GINS1: variants seen among roughly 807,000 people sequenced by gnomAD.
GINS1 encodes DNA replication complex GINS protein PSF1.
A neutral mutation model predicts 34.9 loss-of-function variants in GINS1; 26 were observed. The observed-to-expected ratio is 0.74, with a 90% CI of 0.55 to 1.03. The LOEUF (loss-of-function observed/expected upper bound fraction) is 1.03. Among genes scored for constraint, GINS1 ranks in the 50% least tolerant of loss-of-function variants. The pLI, the probability that GINS1 is intolerant of heterozygous loss-of-function variation, is 0.00. For synonymous variants in GINS1, 97 were observed against 84.4 expected (o/e 1.15, Z -0.82); for missense variants, 235 against 237.9 (o/e 0.99, Z 0.08).
At chr20:25,430,075 G>T (rs930155609) in intron 5 of GINS1, among the ~76,000 whole-genome samples, 1 of 152,164 alleles carries the variant, frequency 6.6e-6, no homozygotes, top group Non-Finnish European at 1.5e-5. Context: ...ATCACGCCCA[G>T]CTAATTTTTG....
chr20:25,430,608 G>A (rs1282919747), intron 5 of GINS1, among the ~76,000 whole-genome samples: 6 of 152,084 alleles, frequency 3.9e-5, no homozygotes, highest in East Asian at 1.9e-4. Context: ...TTGACTCACC[G>A]CAACCTCTGC....
At chr20:25,411,733 A>C (rs185169256) in intron 1 of GINS1, among the ~76,000 whole-genome samples, 9 of 152,224 alleles carry the variant, frequency 5.9e-5, no homozygotes, top group African/African-American at 2.2e-4. Context: ...GCCTGAGGTC[A>C]GGAGTTCGAG....
rs151262309 is a variant in GINS1, at chr20:25,429,575, G to A, written c.447+4248G>A. ...AATTTCTATATATTTTATTCTTTTCGCACTGATAAACTGAATTATTTTCAT... is the reference window on the plus strand; with the variant it reads ...AATTTCTATATATTTTATTCTTTTCACACTGATAAACTGAATTATTTTCAT... On this transcript the variant is annotated intron_variant, in intron 5 of 6. Transcript: ENST00000262460. 4.3e-3 allele frequency among the ~76,000 whole-genome samples: 651 copies of A among 151,256 alleles called. 2 individuals are homozygous for A. The highest frequency in any genetic ancestry group is 0.011 in the African/African-American group (462 of 41,066).
At chr20:25,428,495 C>T (rs1183402451) in intron 5 of GINS1, among the ~76,000 whole-genome samples, 6 of 148,918 alleles carry the variant, frequency 4.0e-5, no homozygotes, top group African/African-American at 1.5e-4. Context: ...GCTCTGCCTC[C>T]TGGGTTCACG....
chr20:25,416,962 C>G (rs1178934857), intron 2 of GINS1, 142 bp from the exon 3 acceptor site: 4 of 536,054 alleles, frequency 7.5e-6, no homozygotes. Context: ...CTCTGATGTA[C>G]AAATAGTTAT....
chr20:25,433,493 AT>A (rs1234133364), intron 5 of GINS1, among the ~76,000 whole-genome samples: 2 of 152,204 alleles, frequency 1.3e-5, no homozygotes, highest in African/African-American at 4.8e-5. Context: ...TACAATATAA[AT>A]GCCATAGATA....
At chr20:25,437,302 T>C (rs2090459416) in intron 5 of GINS1, among the ~76,000 whole-genome samples, 1 of 152,250 alleles carries the variant, frequency 6.6e-6, no homozygotes, top group South Asian at 2.1e-4. Context: ...ACCTCTGTGA[T>C]CAGAAACAGC....
Position 25,440,144 on chromosome 20 carries a change from G to A in GINS1, c.448-1558G>A, listed in dbSNP as rs192776735. 2.6e-3 allele frequency among the ~76,000 whole-genome samples: 394 copies of A among 152,120 alleles called. 3 individuals are homozygous for A. The highest frequency in any genetic ancestry group is 9.1e-3 in the African/African-American group (376 of 41,540). On this transcript the variant is annotated intron_variant, in intron 5 of 6. Coordinates refer to ENST00000262460, the MANE Select transcript of GINS1 (RefSeq NM_021067.5). ...GCCTCCTGAGTAGCTGGGATTACAGGCACGCACCACCACACCCAGCTAAAT... is the reference window on the plus strand; with the variant it reads ...GCCTCCTGAGTAGCTGGGATTACAGACACGCACCACCACACCCAGCTAAAT...
rs371912956 is a variant in GINS1, at chr20:25,407,871, C to T, written c.51C>T (p.Pro17=). 1.2e-6 allele frequency: 2 copies of T among 1,613,740 alleles called. No individual in the cohort carries two copies. Among genetic ancestry groups the T allele is most frequent in the Non-Finnish European group, 1.7e-6 (2 of 1,179,742 alleles). ...TGATCCGCGAGCTGCATCGCGCGCC[C>T]GAAGGGCAACTGCCTGCCTTCAACG... ...MELIRELHRA[P]EGQLPAFNED... The change falls in exon 1 of 7, where the codon CCC becomes CCT. Residue 17 remains proline, a synonymous_variant. Transcript: ENST00000262460.
At chr20:25,434,750 G>T (rs998826717) in intron 5 of GINS1, among the ~76,000 whole-genome samples, 41 of 152,302 alleles carry the variant, frequency 2.7e-4, no homozygotes, top group African/African-American at 9.9e-4. Context: ...CAGCCAGCCT[G>T]TCTCAATTAA....
At chr20:25,415,250 C>T (rs2090313075) in intron 2 of GINS1, among the ~76,000 whole-genome samples, 1 of 152,180 alleles carries the variant, frequency 6.6e-6, no homozygotes, top group Non-Finnish European at 1.5e-5. Flanking sequence ...AAGTGAACCT[C>T]AACAGATTTG....
intron 5 of GINS1, among the ~76,000 whole-genome samples, chr20:25,430,223 T>C (rs1448084906): frequency 1.3e-5 from 2 of 152,228 alleles, no homozygotes; most frequent in African/African-American, 4.8e-5. Flanking sequence ...CTTTCAGTCT[T>C]TCACCATTGA....
chr20:25,432,560 G>A (rs1314669453), intron 5 of GINS1, among the ~76,000 whole-genome samples: 4 of 151,872 alleles, frequency 2.6e-5, no homozygotes, highest in Non-Finnish European at 4.4e-5. Context: ...TCCATCTCCC[G>A]AGTTCAAGCG....
At position 25,435,810 on chromosome 20, in the gene GINS1, C is replaced by CT. The variant is rs199615377; in HGVS notation, c.448-5872dup. Among the ~76,000 whole-genome samples, 306 of 108,520 alleles carry CT rather than the reference C, an allele frequency of 2.8e-3. 3 individuals are homozygous for CT. Among genetic ancestry groups the CT allele is most frequent in the Non-Finnish European group, 4.0e-3 (229 of 56,898 alleles). 71.2% of individuals were successfully genotyped at this position (108,520 alleles called of 152,430 possible). ...AAAACCAACTTTTTGTAGAGTTACACTTTTTTTTTTTTTTTTTTTTGAGAC... is the reference window on the plus strand; with the variant it reads ...AAAACCAACTTTTTGTAGAGTTACACTTTTTTTTTTTTTTTTTTTTTGAGAC... On this transcript the variant is annotated intron_variant, in intron 5 of 6. Transcript: ENST00000262460.
At chr20:25,443,476 CTTTT>C (rs11482627) in intron 6 of GINS1, among the ~76,000 whole-genome samples, 3 of 124,726 alleles carry the variant, frequency 2.4e-5, no homozygotes, top group African/African-American at 9.2e-5. Context: ...GGTTGAATTT[CTTTT>C]TTTTTTTTTT....
rs565213620 is a variant in GINS1 at position 25,445,697 on chromosome 20, G to A, written c.523-226G>A. 6.3e-4 allele frequency among the ~76,000 whole-genome samples: 96 copies of A among 152,148 alleles called. 1 individual carries two copies. The South Asian group carries it at 0.017, about 27-fold the overall frequency. The stretch of plus-strand genomic sequence containing the variant: ...GCGGTTTCTCCATGTTGGTTAGGCT[G>A]GTCTTGAACCCCCGACCTCAGGTGA... On this transcript the variant is annotated intron_variant, in intron 6 of 6. Transcript: ENST00000262460.
At chr20:25,420,245 T>A (rs1455102104) in intron 4 of GINS1, among the ~76,000 whole-genome samples, 1 of 152,078 alleles carries the variant, frequency 6.6e-6, no homozygotes, top group Non-Finnish European at 1.5e-5. Context: ...GCGATTCTCC[T>A]GCCTCAGCAT....
intron 5 of GINS1, among the ~76,000 whole-genome samples, chr20:25,431,597 A>C (rs1203812244): frequency 7.7e-6 from 1 of 129,788 alleles, no homozygotes; most frequent in Non-Finnish European, 1.6e-5. Flanking sequence ...TTGAGACAGG[A>C]TCTCACTCTG....
rs538420297 is a variant in GINS1, at chr20:25,426,021, C to T, written c.447+694C>T. Among the ~76,000 whole-genome samples the T allele has an allele frequency of 2.0e-5, 3 of 152,208 alleles. No individual in the cohort carries two copies. The South Asian group carries it at 6.2e-4, about 32-fold the overall frequency. ...AACTCTACCCATTAAACAATAACTT[C>T]TCAATACCCCTGCCTCCCATCCCCC... On this transcript the variant is annotated intron_variant, in intron 5 of 6. Transcript: ENST00000262460.
Sources: gnomAD v4.1 joint callset for allele counts (sites outside exome capture counted in the v4.1 genomes callset) on GRCh38, gnomAD v4.1.1 for gene constraint, MANE v1.5 for transcripts, NCBI Gene and HGNC (gene_info 2026-07-23, HGNC 2026-07-21) for gene names.